DISC1: variants seen among roughly 807,000 people sequenced by gnomAD.
The protein encoded by DISC1 is DISC1 scaffold protein.
Under a neutral mutation model 84.5 loss-of-function variants are expected in DISC1, and 57 were observed. The ratio of observed to expected loss-of-function variants is 0.67; its 90% confidence interval spans 0.55 to 0.84. DISC1 has a LOEUF of 0.84. Among genes scored for constraint, DISC1 ranks in the 40% least tolerant of loss-of-function variants. DISC1 has a pLI of 0.00. For missense variants in DISC1, 1,000 were observed against 1,057.8 expected, an observed-to-expected ratio of 0.95 and a Z score of 0.76; for synonymous variants, 411 against 415.2, an observed-to-expected ratio of 0.99 and a Z score of 0.12.
chr1:231,950,593 C>T (rs924623564), intron 9 of DISC1, among the ~76,000 whole-genome samples: 2 of 152,140 alleles, frequency 1.3e-5, no homozygotes, highest in Non-Finnish European at 2.9e-5. Context: ...ATACCGCAAG[C>T]ATTTGGTTTT....
rs1159209913 is a variant in DISC1 at position 231,675,160 on chromosome 1, G to T, written c.68-18666G>T. Among the ~76,000 whole-genome samples, 1 of 152,106 alleles carries T rather than the reference G, an allele frequency of 6.6e-6. No homozygotes were observed. The highest frequency in any genetic ancestry group is 1.5e-5 in the Non-Finnish European group (1 of 68,018). ...ACCCTTGATACTCTGCACACGGCTAGTATGGGCTTTATACAGATTCAGAGA... is the reference window on the plus strand; with the variant it reads ...ACCCTTGATACTCTGCACACGGCTATTATGGGCTTTATACAGATTCAGAGA... On this transcript the variant is annotated intron_variant, in intron 1 of 12. Transcript: ENST00000439617. The surrounding 1 kb of genome is among the most constrained non-coding windows in gnomAD (Gnocchi z 4.1).
At chr1:232,006,952 G>A (rs1179282330) in intron 10 of DISC1, among the ~76,000 whole-genome samples, 1 of 152,160 alleles carries the variant, frequency 6.6e-6, no homozygotes, top group African/African-American at 2.4e-5. Context: ...GGCTAAAAGG[G>A]GCCAACGTAC....
At chr1:231,987,409 T>C (rs1302825121) in intron 10 of DISC1, among the ~76,000 whole-genome samples, 6 of 152,258 alleles carry the variant, frequency 3.9e-5, no homozygotes, top group Non-Finnish European at 7.3e-5. Flanking sequence ...TGTTTGCCGA[T>C]GGAACTTGCT....
chr1:231,723,854 C>T (rs2070231811), intron 3 of DISC1: 2 of 985,288 alleles, frequency 2.0e-6, no homozygotes, highest in Non-Finnish European at 1.2e-6. Context: ...CATCTTCTTA[C>T]CCAAACAACC....
At chr1:231,772,857 C>T (rs923170909) in intron 6 of DISC1, among the ~76,000 whole-genome samples, 2 of 152,110 alleles carry the variant, frequency 1.3e-5, no homozygotes, top group African/African-American at 4.8e-5. Flanking sequence ...CCTTCTATCC[C>T]GAATATTTCC....
At chr1:231,917,405 T>A (rs1187752064) in intron 9 of DISC1, among the ~76,000 whole-genome samples, 2 of 152,248 alleles carry the variant, frequency 1.3e-5, no homozygotes, top group Non-Finnish European at 2.9e-5. Context: ...TTGAATAATA[T>A]GAAGCGAAGC....
At chr1:231,930,124 G>A (rs1315530432) in intron 9 of DISC1, among the ~76,000 whole-genome samples, 1 of 152,144 alleles carries the variant, frequency 6.6e-6, no homozygotes, top group Admixed American at 6.5e-5. Flanking sequence ...AAAAAGAAAA[G>A]CATTTATTTA....
At chr1:231,851,815 C>T (rs148181176) in intron 9 of DISC1, among the ~76,000 whole-genome samples, 5 of 152,190 alleles carry the variant, frequency 3.3e-5, no homozygotes, top group Non-Finnish European at 5.9e-5. Flanking sequence ...GCAGAGTTCC[C>T]CACTCTTCTG....
intron 4 of DISC1, among the ~76,000 whole-genome samples, chr1:231,752,386 G>A (rs2074699683): frequency 6.6e-6 from 1 of 151,890 alleles, no homozygotes; most frequent in Admixed American, 6.6e-5. Flanking sequence ...GTAGGAACAA[G>A]AGAGAGAGAG....
chr1:231,730,642 G>T (rs890434571), intron 3 of DISC1, among the ~76,000 whole-genome samples: 1 of 152,218 alleles, frequency 6.6e-6, no homozygotes. Context: ...GTATAAGTTG[G>T]ATGATAGCTT....
intron 4 of DISC1, among the ~76,000 whole-genome samples, chr1:231,750,869 A>G (rs1237750519): frequency 1.3e-5 from 2 of 152,202 alleles, no homozygotes; most frequent in Non-Finnish European, 2.9e-5. Context: ...GGCCACAACA[A>G]TTCCACTTTA....
intron 12 of DISC1, among the ~76,000 whole-genome samples, chr1:232,034,451 G>C (rs1005741784): frequency 6.6e-6 from 1 of 152,202 alleles, no homozygotes; most frequent in Admixed American, 6.5e-5. Flanking sequence ...GACACCTTCT[G>C]TGTTAGCGAT....
At chr1:231,644,277 A>G (rs1009621834) in intron 1 of DISC1, among the ~76,000 whole-genome samples, 3 of 152,160 alleles carry the variant, frequency 2.0e-5, no homozygotes, top group African/African-American at 7.2e-5. Flanking sequence ...TGCCCTGTAC[A>G]TATCCTTCAG....
intron 4 of DISC1, among the ~76,000 whole-genome samples, chr1:231,758,437 G>A (rs1558490719): frequency 1.3e-5 from 2 of 152,222 alleles, no homozygotes; most frequent in South Asian, 2.1e-4. Context: ...CCATGGGGTA[G>A]GGGAGAAAAA....
rs192545918 is a variant in DISC1, at chr1:231,851,820, C to T, written c.1981+33303C>T. On this transcript the variant is annotated intron_variant, in intron 9 of 12. Coordinates refer to ENST00000439617, the MANE Select transcript of DISC1 (RefSeq NM_018662.3). ...ATTTGAGGAGGCAGAGTTCCCCACTCTTCTGAACCTCTGTTTTACAAAAGG... is the reference window on the plus strand; with the variant it reads ...ATTTGAGGAGGCAGAGTTCCCCACTTTTCTGAACCTCTGTTTTACAAAAGG... 1.1e-3 allele frequency among the ~76,000 whole-genome samples: 167 copies of T among 152,262 alleles called. 2 individuals are homozygous for T. The highest frequency in any genetic ancestry group is 1.7e-3 in the Non-Finnish European group (117 of 68,014).
chr1:231,797,460 C>T (rs1466191544), intron 7 of DISC1, among the ~76,000 whole-genome samples: 2 of 152,036 alleles, frequency 1.3e-5, no homozygotes, highest in Non-Finnish European at 2.9e-5. Context: ...ATTAGGGTTC[C>T]AGCATGGCTA....
chr1:231,842,958 A>G (rs774447433), intron 9 of DISC1, among the ~76,000 whole-genome samples: 1 of 152,142 alleles, frequency 6.6e-6, no homozygotes, highest in Non-Finnish European at 1.5e-5. Context: ...ACTAATTTTT[A>G]TAGTGAGCCA....
chr1:231,637,976 CCTTTTCA>C (rs1216805142), intron 1 of DISC1, among the ~76,000 whole-genome samples: 3 of 152,062 alleles, frequency 2.0e-5, no homozygotes, highest in Admixed American at 6.6e-5. Context: ...TTAAAATTTC[CCTTTTCA>C]CTTTTCACTG....
chr1:231,800,393 C>T (rs746149892), intron 8 of DISC1, among the ~76,000 whole-genome samples, 183 bp downstream of exon 8: 75 of 152,054 alleles, frequency 4.9e-4, no homozygotes, highest in African/African-American at 1.7e-3. Flanking sequence ...AAGTGAGTAC[C>T]GTATTTGGGA....
Sources: gnomAD v4.1 joint callset for allele counts (sites outside exome capture counted in the v4.1 genomes callset) on GRCh38, gnomAD v4.1.1 for gene constraint, Gnocchi (gnomAD v3.1) non-coding constraint, MANE v1.5 for transcripts, NCBI Gene and HGNC (gene_info 2026-07-23, HGNC 2026-07-21) for gene names.